The following KCNC2 variants were observed in gnomAD, a reference collection of about 807,000 sequenced individuals.
KCNC2 encodes voltage-gated potassium channel KCNC2.
KCNC2 carries 21 observed loss-of-function variants against 44.5 expected under a neutral mutation model. That is an observed-to-expected ratio of 0.47 (90% CI 0.33 to 0.68). KCNC2 has a LOEUF of 0.68. Ranked by LOEUF, KCNC2 falls within the 30% of genes least tolerant of loss-of-function variation. KCNC2 has a pLI of 0.01. For synonymous variants in KCNC2, 391 were observed against 339.1 expected, an observed-to-expected ratio of 1.15 and a Z score of -1.68; for missense variants, 589 against 826.2, an observed-to-expected ratio of 0.71 and a Z score of 3.52.
intron 2 of KCNC2, among the ~76,000 whole-genome samples, chr12:75,104,537 T>A (rs924640165): frequency 1.3e-5 from 2 of 152,024 alleles, no homozygotes; most frequent in African/African-American, 2.4e-5. Context: ...ACAATATTAA[T>A]GAGTATATTC....
chr12:75,042,265 C>T lies in KCNC2; in HGVS notation c.*840G>A. 1.2e-6 allele frequency: 2 copies of T among 1,606,308 alleles called. No individual in the cohort carries two copies. The highest frequency in any genetic ancestry group is 2.7e-5 in the African/African-American group (2 of 74,310). ...CAATTTCTGGCTAAACAATGCAAGC[C>T]TGGCTGGCAGTTACCTTTCTCTCAT... On this transcript the variant is annotated 3_prime_UTR_variant, in exon 5 of 5. Coordinates refer to ENST00000549446, the MANE Select transcript of KCNC2 (RefSeq NM_139137.4).
At chr12:75,059,660 A>G (rs1206034418) in intron 2 of KCNC2, among the ~76,000 whole-genome samples, 1 of 152,224 alleles carries the variant, frequency 6.6e-6, no homozygotes, top group East Asian at 1.9e-4. Context: ...CTTTTTATGT[A>G]TGACTAACAG....
At chr12:75,184,912 G>A (rs572173880) in intron 2 of KCNC2, among the ~76,000 whole-genome samples, 7 of 152,262 alleles carry the variant, frequency 4.6e-5, no homozygotes, top group Non-Finnish European at 8.8e-5. Flanking sequence ...CAGAACCAGG[G>A]ATAAGCATGA....
chr12:75,181,916 C>CTTCTTTTTTTTTTTT (rs1892603857), intron 2 of KCNC2, among the ~76,000 whole-genome samples: 1 of 47,840 alleles, frequency 2.1e-5, no homozygotes, highest in Admixed American at 3.8e-4. Flanking sequence ...TAATATCTTC[C>CTTCTTTTTTTTTTTT]TTTTTTTTTT....
At chr12:75,059,973 T>C (rs1184364468) in intron 2 of KCNC2, among the ~76,000 whole-genome samples, 10 of 152,134 alleles carry the variant, frequency 6.6e-5, no homozygotes, top group Non-Finnish European at 1.5e-4. Flanking sequence ...TCTCCAGCTC[T>C]GCCTTTTCTT....
chr12:75,069,929 A>G (rs1592799756), intron 2 of KCNC2, among the ~76,000 whole-genome samples: 3 of 152,304 alleles, frequency 2.0e-5, no homozygotes, highest in South Asian at 4.1e-4. Flanking sequence ...TCTGTACATC[A>G]TCATCGAAAC....
intron 2 of KCNC2, among the ~76,000 whole-genome samples, chr12:75,125,476 C>A (rs995519060): frequency 6.6e-6 from 1 of 152,068 alleles, no homozygotes; most frequent in African/African-American, 2.4e-5. Flanking sequence ...TGTGTTTTTT[C>A]AGCAGAAGAT....
intron 2 of KCNC2, among the ~76,000 whole-genome samples, chr12:75,101,458 T>G (rs1886366515): frequency 6.6e-6 from 1 of 152,092 alleles, no homozygotes; most frequent in African/African-American, 2.4e-5. Flanking sequence ...TGTTACACAC[T>G]TTGAGGGTAC....
At chr12:75,190,309 A>G (rs1331749227) in intron 2 of KCNC2, among the ~76,000 whole-genome samples, 1 of 151,856 alleles carries the variant, frequency 6.6e-6, no homozygotes, top group African/African-American at 2.4e-5. Flanking sequence ...CTTTGCTCTC[A>G]TCTCTAAGAC....
rs1171847171 is a variant in KCNC2 at position 75,064,687 on chromosome 12, C to T, written c.688-13370G>A. On this transcript the variant is annotated intron_variant, in intron 2 of 4. Coordinates refer to ENST00000549446, the MANE Select transcript of KCNC2 (RefSeq NM_139137.4). ...CAAATGTTTTTAACAAGAATGGATG[C>T]TTTCAAAGGTTGACATTGAAATGAC... 4.6e-5 allele frequency among the ~76,000 whole-genome samples: 7 copies of T among 152,048 alleles called. No individual in the cohort carries two copies. The South Asian group carries it at 6.2e-4, about 14-fold the overall frequency.
intron 2 of KCNC2, among the ~76,000 whole-genome samples, chr12:75,196,450 A>C (rs2030773154): frequency 6.6e-6 from 1 of 152,090 alleles, no homozygotes; most frequent in Non-Finnish European, 1.5e-5. Flanking sequence ...GAAATGAGCA[A>C]TGCTTGCCTC....
chr12:75,083,152 G>GT (rs1393130150), intron 2 of KCNC2, among the ~76,000 whole-genome samples: 4 of 150,644 alleles, frequency 2.7e-5, no homozygotes, highest in Admixed American at 6.6e-5. Context: ...TTAATATTTT[G>GT]TTAAAAAAAG....
chr12:75,051,305 C>T lies in KCNC2; in HGVS notation c.700G>A (p.Ala234Thr). 1 of 1,580,020 alleles carries T rather than the reference C, an allele frequency of 6.3e-7. No homozygotes were observed. The highest frequency in any genetic ancestry group is 8.6e-7 in the Non-Finnish European group (1 of 1,156,168). The change falls in exon 3 of 5, where the codon GCT becomes ACT. Residue 234 changes from alanine to threonine, a missense_variant. Physicochemically the swap from Ala to Thr is moderately conservative, Grantham distance 58 (BLOSUM62 0). Around this residue, in one of 7 missense-constraint regions of KCNC2, gnomAD observed 26 missense variants for 50.4 expected, o/e 0.52. Coordinates refer to ENST00000549446, the MANE Select transcript of KCNC2 (RefSeq NM_139137.4). ...SSRAARFIAF[A>T]SLFFILVSIT... The stretch of plus-strand genomic sequence containing the variant: ...GAAACCAGGATGAAGAATAAAGAAG[C>T]AAAAGCAATAAACTGTAGAGGAAAA...
intron 2 of KCNC2, among the ~76,000 whole-genome samples, chr12:75,186,965 C>T (rs1892998037): frequency 6.6e-6 from 1 of 152,178 alleles, no homozygotes; most frequent in East Asian, 1.9e-4. Context: ...GCCATCTTAA[C>T]ACACTGTGAT....
intron 4 of KCNC2, among the ~76,000 whole-genome samples, chr12:75,046,260 T>A (rs1048426862): frequency 3.3e-5 from 5 of 151,792 alleles, no homozygotes; most frequent in African/African-American, 1.2e-4. Context: ...AGATTGCATG[T>A]ATAAATTTTC....
At chr12:75,199,629 A>G (rs1374206493) in intron 2 of KCNC2, among the ~76,000 whole-genome samples, 3 of 151,860 alleles carry the variant, frequency 2.0e-5, no homozygotes, top group Non-Finnish European at 2.9e-5. Flanking sequence ...CTGACCTTAC[A>G]ACAACATTTA....
chr12:75,131,436 T>A (rs189141481), intron 2 of KCNC2, among the ~76,000 whole-genome samples: 1 of 152,212 alleles, frequency 6.6e-6, no homozygotes, highest in African/African-American at 2.4e-5. Flanking sequence ...TCAAATAATG[T>A]CCTCAGACTT....
At chr12:75,179,188 A>G (rs1032732194) in intron 2 of KCNC2, among the ~76,000 whole-genome samples, 5 of 152,090 alleles carry the variant, frequency 3.3e-5, no homozygotes, top group Non-Finnish European at 7.4e-5. Flanking sequence ...AGTTTGAATC[A>G]GAACACTAGT....
chr12:75,066,858 T>C (rs926625302), intron 2 of KCNC2, among the ~76,000 whole-genome samples: 2 of 152,234 alleles, frequency 1.3e-5, no homozygotes, highest in Non-Finnish European at 2.9e-5. Flanking sequence ...ATTTTAGATC[T>C]GTAAAATAAT....
Sources: allele counts gnomAD v4.1 joint callset (sites outside exome capture counted in the v4.1 genomes callset), GRCh38; gene constraint gnomAD v4.1.1; regional missense constraint gnomAD v4.1.1; transcripts MANE v1.5; gene names NCBI Gene and HGNC (gene_info 2026-07-23, HGNC 2026-07-21).